Variants in LRRC4C observed in about 807,000 individuals in gnomAD.
The protein encoded by LRRC4C is leucine rich repeat containing 4C.
Under a neutral mutation model 33.6 loss-of-function variants are expected in LRRC4C, and 5 were observed. That is an observed-to-expected ratio of 0.15 (90% confidence interval 0.08 to 0.31). LRRC4C has a LOEUF of 0.31. Ranked by LOEUF, LRRC4C falls within the 10% of genes least tolerant of loss-of-function variation. The pLI, the probability that LRRC4C is intolerant of heterozygous loss-of-function variation, is 1.00. For missense variants in LRRC4C, 560 were observed against 796.7 expected (o/e 0.70, Z 3.58); for synonymous variants, 329 against 302.0 (o/e 1.09, Z -0.93).
At chr11:40,974,456 C>T (rs1410087057) in intron 1 of LRRC4C, among the ~76,000 whole-genome samples, 2 of 152,148 alleles carry the variant, frequency 1.3e-5, no homozygotes, top group South Asian at 2.1e-4. Context: ...AATGCTACAA[C>T]GTCTGTTCAA....
chr11:41,295,390 A>G (rs114684450), intron 1 of LRRC4C, among the ~76,000 whole-genome samples: 1 of 152,192 alleles, frequency 6.6e-6, no homozygotes, highest in African/African-American at 2.4e-5. Context: ...GTGGTGATTT[A>G]GCAATATACA....
intron 3 of LRRC4C, among the ~76,000 whole-genome samples, chr11:40,416,953 T>C (rs1950345096): frequency 6.6e-6 from 1 of 152,246 alleles, no homozygotes; most frequent in Non-Finnish European, 1.5e-5. Context: ...GAAGATTCAC[T>C]ATGCCTTCAT....
At chr11:41,428,470 T>C (rs143710279) in intron 1 of LRRC4C, among the ~76,000 whole-genome samples, 34 of 152,250 alleles carry the variant, frequency 2.2e-4, no homozygotes, top group Non-Finnish European at 4.4e-4. Flanking sequence ...GTTTCAAATG[T>C]TTACTAATAT....
chr11:40,544,002 C>A (rs751588955), intron 3 of LRRC4C, among the ~76,000 whole-genome samples: 1 of 151,948 alleles, frequency 6.6e-6, no homozygotes. Flanking sequence ...TATATATAGA[C>A]GGTTGATAGA....
intron 3 of LRRC4C, among the ~76,000 whole-genome samples, chr11:40,577,377 A>G (rs942938473): frequency 1.3e-5 from 2 of 152,222 alleles, no homozygotes; most frequent in Admixed American, 1.3e-4. Context: ...TATAGTTTAT[A>G]CTACAAACAG....
At chr11:41,148,987 A>G (rs555452710) in intron 1 of LRRC4C, among the ~76,000 whole-genome samples, 1 of 152,308 alleles carries the variant, frequency 6.6e-6, no homozygotes, top group African/African-American at 2.4e-5. Flanking sequence ...TCAAAGGAAT[A>G]CATGGCCAAT....
chr11:41,325,182 T>C (rs1951071825), intron 1 of LRRC4C, among the ~76,000 whole-genome samples: 1 of 152,142 alleles, frequency 6.6e-6, no homozygotes. Context: ...AAAAACTGGG[T>C]AAAAGTGAGG....
At chr11:41,364,027 C>T (rs557355406) in intron 1 of LRRC4C, among the ~76,000 whole-genome samples, 10 of 152,198 alleles carry the variant, frequency 6.6e-5, no homozygotes, top group South Asian at 2.1e-4. Context: ...AAAGTTCCAA[C>T]ACACTAGATG....
chr11:40,685,565 T>C (rs1257908396), intron 2 of LRRC4C, among the ~76,000 whole-genome samples: 4 of 151,786 alleles, frequency 2.6e-5, no homozygotes, highest in African/African-American at 9.7e-5. Context: ...AATAATAATA[T>C]ATATTAATTT....
intron 4 of LRRC4C, among the ~76,000 whole-genome samples, chr11:40,297,550 TA>T (rs1160488418): frequency 6.6e-6 from 1 of 152,158 alleles, no homozygotes; most frequent in Non-Finnish European, 1.5e-5. Context: ...GAAATATAGA[TA>T]AAAGGTCCTA....
At chr11:41,186,815 G>A (rs142275037) in intron 1 of LRRC4C, among the ~76,000 whole-genome samples, 7 of 152,194 alleles carry the variant, frequency 4.6e-5, no homozygotes, top group South Asian at 2.1e-4. Flanking sequence ...TTTTGATACC[G>A]TTTAGGTAGT....
chr11:41,011,922 A>T (rs1257667321), intron 1 of LRRC4C, among the ~76,000 whole-genome samples: 9 of 143,854 alleles, frequency 6.3e-5, no homozygotes, highest in African/African-American at 2.0e-4. Flanking sequence ...ATCTTGGCTC[A>T]CTGCAACCTT....
chr11:40,898,350 T>A (rs562970000), intron 2 of LRRC4C, among the ~76,000 whole-genome samples: 8 of 2,616 alleles, frequency 3.1e-3, no homozygotes, highest in African/African-American at 4.7e-3. Context: ...TGAAACTCCA[T>A]CTCAAAAAAA....
intron 3 of LRRC4C, among the ~76,000 whole-genome samples, chr11:40,400,573 T>G (rs1949720655): frequency 6.6e-6 from 1 of 152,138 alleles, no homozygotes; most frequent in Admixed American, 6.6e-5. Flanking sequence ...ATTTCACATT[T>G]GGGATGTATC....
chr11:41,235,604 C>CAGTACAT (rs1947986313), intron 1 of LRRC4C, among the ~76,000 whole-genome samples: 1 of 152,094 alleles, frequency 6.6e-6, no homozygotes, highest in Admixed American at 6.6e-5. Context: ...ATGTAACAAC[C>CAGTACAT]AGTACGTCTG....
At chr11:40,130,037 T>A (rs763220825) in intron 6 of LRRC4C, among the ~76,000 whole-genome samples, 1 of 152,210 alleles carries the variant, frequency 6.6e-6, no homozygotes, top group Non-Finnish European at 1.5e-5. Context: ...CACTTTTTGA[T>A]ATTAATTATT....
intron 5 of LRRC4C, among the ~76,000 whole-genome samples, chr11:40,167,601 A>G (rs1471295410): frequency 6.6e-6 from 1 of 152,166 alleles, no homozygotes; most frequent in African/African-American, 2.4e-5. Context: ...TCTATGACAG[A>G]AAGTTCTCTG....
chr11:41,061,135 A>T (rs1391096224), intron 1 of LRRC4C, among the ~76,000 whole-genome samples: 1 of 152,140 alleles, frequency 6.6e-6, no homozygotes, highest in Non-Finnish European at 1.5e-5. Flanking sequence ...TGCTGTACTT[A>T]TCATACTATA....
chr11:40,452,462 A>T (rs1951933307), intron 3 of LRRC4C, among the ~76,000 whole-genome samples: 1 of 152,230 alleles, frequency 6.6e-6, no homozygotes, highest in Admixed American at 6.5e-5. Context: ...AAAGAAATGC[A>T]AATCAAAACC....
Sources: allele counts gnomAD v4.1 joint callset (sites outside exome capture counted in the v4.1 genomes callset), GRCh38; gene constraint gnomAD v4.1.1; transcripts MANE v1.5; gene names NCBI Gene and HGNC (gene_info 2026-07-23, HGNC 2026-07-21).